Variants in NBAS observed in about 807,000 individuals in gnomAD.
The protein encoded by NBAS is NAG/BC035112 fusion.
In NBAS, 219 loss-of-function variants were observed where a neutral mutation model predicts 302.5. The observed-to-expected ratio is 0.72, with a 90% confidence interval of 0.65 to 0.81. The LOEUF (loss-of-function observed/expected upper bound fraction) is 0.81, where lower values mean the gene tolerates loss of function less well. Ranked by LOEUF, NBAS falls within the 30% of genes least tolerant of loss-of-function variation. The pLI is 0.00. For missense variants in NBAS, 2,932 were observed against 2,841.6 expected (o/e 1.03, Z -0.72); for synonymous variants, 1,118 against 1,021.6 (o/e 1.09, Z -1.80).
the NBAS span, among the ~76,000 whole-genome samples, chr2:15,061,942 GC>G: frequency 6.6e-6 from 1 of 152,200 alleles, no homozygotes; most frequent in Non-Finnish European, 1.5e-5. Flanking sequence ...GAGGAAGAAA[GC>G]CAGGGGTGCA....
chr2:15,031,699 T>A, the NBAS span, among the ~76,000 whole-genome samples: 274 of 152,286 alleles, frequency 1.8e-3, no homozygotes, highest in African/African-American at 6.2e-3. Context: ...CCCAACTTAT[T>A]CATGCCTGTG....
the NBAS span, among the ~76,000 whole-genome samples, chr2:15,145,822 G>C: frequency 6.6e-6 from 1 of 151,886 alleles, no homozygotes; most frequent in East Asian, 1.9e-4. Flanking sequence ...TTCTGGGGTG[G>C]GGGGCCCAGA....
At chr2:15,364,971 C>T (rs1173705010) in intron 32 of NBAS, among the ~76,000 whole-genome samples, 2 of 152,156 alleles carry the variant, frequency 1.3e-5, no homozygotes, top group African/African-American at 4.8e-5. Context: ...TAAAGGCCAC[C>T]TATGATACCT....
chr2:15,277,028 C>T lies in NBAS; in HGVS notation c.5212G>A (p.Ala1738Thr), dbSNP rs139436724. Residue 1738 changes from alanine to threonine, a missense_variant, in exon 43 of 52, where the codon GCC becomes ACC. By Grantham distance (58) the Ala-to-Thr change is moderately conservative. Coordinates refer to ENST00000281513, the MANE Select transcript of NBAS (RefSeq NM_015909.4). ...TACTTGACCATGTGCTGGTGAAAGG[C>T]TTCTGGATCAGTCTTCAAAGTCTCA... Reference protein sequence around the residue: ...LFETLKTDPEAFHQHMVKYIY... With the variant: ...LFETLKTDPETFHQHMVKYIY... The T allele has an allele frequency of 4.6e-5, 75 of 1,613,906 alleles. No individual in the cohort carries two copies. The African/African-American group carries it at 7.5e-4, about 16-fold the overall frequency.
intron 40 of NBAS, among the ~76,000 whole-genome samples, chr2:15,293,238 C>G (rs533628346): frequency 6.6e-6 from 1 of 152,224 alleles, no homozygotes; most frequent in East Asian, 1.9e-4. Context: ...AATGGCTAGA[C>G]CCCTGAGGAG....
chr2:14,839,154 AAT>A, the NBAS span, among the ~76,000 whole-genome samples: 62 of 152,040 alleles, frequency 4.1e-4, no homozygotes, highest in Non-Finnish European at 7.4e-4. Context: ...CCAGAAATCT[AAT>A]ATGAGGATGA....
the NBAS span, among the ~76,000 whole-genome samples, chr2:14,823,415 A>T: frequency 2.4e-3 from 360 of 152,364 alleles, no homozygotes; most frequent in African/African-American, 7.9e-3. Flanking sequence ...ATAAAGCAGA[A>T]AAAAACTCTT....
chr2:15,247,663 ACTCT>A (rs371241411), intron 44 of NBAS, among the ~76,000 whole-genome samples: 5 of 148,550 alleles, frequency 3.4e-5, no homozygotes, highest in Admixed American at 1.3e-4. Context: ...AAGAAGAGCT[ACTCT>A]CTCTCTCTCT....
the NBAS span, among the ~76,000 whole-genome samples, chr2:15,046,876 A>T: frequency 2.6e-5 from 4 of 152,132 alleles, no homozygotes; most frequent in Non-Finnish European, 5.9e-5. Context: ...GGCAGCATGG[A>T]GAAGAGAGGC....
At chr2:15,149,470 T>C in the NBAS span, among the ~76,000 whole-genome samples, 2 of 152,100 alleles carry the variant, frequency 1.3e-5, no homozygotes, top group East Asian at 3.9e-4. Context: ...TTTGGTTTAG[T>C]TTTTTGTTGT....
At chr2:15,083,991 A>T in the NBAS span, among the ~76,000 whole-genome samples, 2 of 152,102 alleles carry the variant, frequency 1.3e-5, no homozygotes, top group Non-Finnish European at 2.9e-5. Flanking sequence ...ACTATAGAAA[A>T]CATTTAGCAT....
intron 40 of NBAS, among the ~76,000 whole-genome samples, chr2:15,297,872 G>T (rs1243562506): frequency 1.3e-5 from 2 of 152,078 alleles, no homozygotes; most frequent in Non-Finnish European, 2.9e-5. Flanking sequence ...CTGTGTGTGT[G>T]TGTCTGTGTG....
At chr2:15,296,434 G>A (rs752584888) in intron 40 of NBAS, among the ~76,000 whole-genome samples, 19 of 152,044 alleles carry the variant, frequency 1.2e-4, no homozygotes, top group Admixed American at 5.2e-4. Flanking sequence ...CCCAGCGTAG[G>A]AGAATCACTT....
At chr2:15,322,832 C>T (rs1173238342) in intron 38 of NBAS, among the ~76,000 whole-genome samples, 1 of 151,952 alleles carries the variant, frequency 6.6e-6, no homozygotes, top group African/African-American at 2.4e-5. Context: ...GTAACTGTTC[C>T]AGACATATTG....
intron 25 of NBAS, among the ~76,000 whole-genome samples, chr2:15,414,693 C>CCTTTGGGCT (rs1676837023): frequency 2.0e-5 from 3 of 152,102 alleles, no homozygotes; most frequent in African/African-American, 7.2e-5. Flanking sequence ...GCCTGTAATC[C>CCTTTGGGCT]CAGCACTTTA....
intron 31 of NBAS, among the ~76,000 whole-genome samples, chr2:15,373,476 G>A (rs572481099): frequency 6.6e-5 from 10 of 152,122 alleles, no homozygotes; most frequent in East Asian, 1.9e-4. Flanking sequence ...GACTACATAC[G>A]CATGCCATTA....
chr2:15,190,532 A>C, intron 48 of NBAS, 129 bp from the exon 49 acceptor site: 1 of 1,072,874 alleles, frequency 9.3e-7, no homozygotes, highest in South Asian at 1.5e-5. Context: ...TCAACATCAG[A>C]AAAACAACCA....
At chr2:15,136,920 G>T in the NBAS span, among the ~76,000 whole-genome samples, 3 of 152,142 alleles carry the variant, frequency 2.0e-5, no homozygotes, top group Non-Finnish European at 4.4e-5. Flanking sequence ...TGCCATGATT[G>T]TAAGTTTCCT....
At chr2:15,467,566 G>A in intron 18 of NBAS, 98 bp downstream of exon 18, 1 of 1,347,668 alleles carries the variant, frequency 7.4e-7, no homozygotes, top group Non-Finnish European at 1.1e-6. Context: ...GATCTAAGTT[G>A]CTAAAATAAT....
Sources: gnomAD v4.1 joint callset for allele counts (sites outside exome capture counted in the v4.1 genomes callset) on GRCh38, gnomAD v4.1.1 for gene constraint, MANE v1.5 for transcripts, NCBI Gene and HGNC (gene_info 2026-07-23, HGNC 2026-07-21) for gene names.